The following NBPF15 variants were observed in gnomAD, a reference collection of about 807,000 sequenced individuals.
The protein encoded by NBPF15 is NBPF member 15.
NBPF15 carries 74 observed loss-of-function variants against 62.2 expected under a neutral mutation model. The observed-to-expected ratio is 1.19, with a 90% CI of 0.99 to 1.44. The LOEUF (loss-of-function observed/expected upper bound fraction) is 1.44. Ranked by LOEUF, NBPF15 falls within the 40% of genes most tolerant of loss-of-function variation. The probability of loss-of-function intolerance (pLI) is 0.00; values close to 1 mark genes in which losing one functional copy is unlikely to be tolerated. For synonymous variants in NBPF15, 244 were observed against 209.7 expected, an observed-to-expected ratio of 1.16 and a Z score of -1.41; for missense variants, 790 against 550.0, an observed-to-expected ratio of 1.44 and a Z score of -4.36.
chr1:144,453,823 C>G lies in NBPF15; in HGVS notation c.-432+2714G>C, dbSNP rs587671119. Among the ~76,000 whole-genome samples the G allele has an allele frequency of 1.3e-3, 172 of 136,452 alleles. 1 individual carries two copies. The highest frequency in any genetic ancestry group is 2.4e-3 in the Non-Finnish European group (152 of 64,530). The allele number at this position is 136,452 out of a possible 152,430, so 89.5% of individuals were successfully genotyped here. On this transcript the variant is annotated intron_variant, in intron 4 of 21. Transcript: ENST00000581897. ...CTAAAACACAAAACGGTGAACACAC[C>G]AAATGCTGTCAAAGATGAGGAACAA...
intron 13 of NBPF15, among the ~76,000 whole-genome samples, chr1:144,431,346 G>A (rs1438570184): frequency 4.0e-5 from 6 of 149,646 alleles, no homozygotes; most frequent in Admixed American, 6.6e-5. Flanking sequence ...TACCCACAAA[G>A]GGAAGCCCAT....
At chr1:144,428,468 C>T (rs1281548489) in intron 15 of NBPF15, 138 bp downstream of exon 15, 1 of 892,820 alleles carries the variant, frequency 1.1e-6, no homozygotes, top group Non-Finnish European at 1.9e-6. Context: ...TAATGAGAAC[C>T]AAAAAGCAAT....
At chr1:144,445,155 A>G (rs1227894558) in intron 6 of NBPF15, among the ~76,000 whole-genome samples, 1 of 151,042 alleles carries the variant, frequency 6.6e-6, no homozygotes, top group Non-Finnish European at 1.5e-5. Flanking sequence ...CCATTCATGT[A>G]TCTTCTTTTC....
chr1:144,423,702 G>T (rs1169438583), intron 21 of NBPF15, among the ~76,000 whole-genome samples, 168 bp downstream of exon 21: 4 of 151,934 alleles, frequency 2.6e-5, no homozygotes, highest in Non-Finnish European at 5.9e-5. Flanking sequence ...ATAAGGGGAG[G>T]AAGAAATGGA....
At position 144,454,848 on chromosome 1, in the gene NBPF15, C is replaced by A. The variant is rs1553546484; in HGVS notation, c.-432+1689G>T. Among the ~76,000 whole-genome samples the A allele has an allele frequency of 2.1e-5, 3 of 143,560 alleles. No homozygotes were observed. The South Asian group carries it at 7.0e-4, about 34-fold the overall frequency. 94.2% of individuals were successfully genotyped at this position (143,560 alleles called of 152,430 possible). On this transcript the variant is annotated intron_variant, in intron 4 of 21. Transcript: ENST00000581897. Reference sequence around the variant, plus strand: ...AGGAACCACTGAGACTCAGCAGCTGCCCCAGTGGCACCCACAAATCAGAGG... The same window carrying A: ...AGGAACCACTGAGACTCAGCAGCTGACCCAGTGGCACCCACAAATCAGAGG...
At chr1:144,455,109 A>AAGGG (rs1254334056) in intron 4 of NBPF15, among the ~76,000 whole-genome samples, 1 of 137,804 alleles carries the variant, frequency 7.3e-6, no homozygotes, top group Non-Finnish European at 1.5e-5. Context: ...GGAAGGAAGG[A>AAGGG]AGGAAGGGAG....
At position 144,432,167 on chromosome 1, in the gene NBPF15, A is replaced by G. The variant is rs1182571352; in HGVS notation, c.824+1606T>C. On this transcript the variant is annotated intron_variant, in intron 13 of 21. Coordinates refer to ENST00000581897, the MANE Select transcript of NBPF15 (RefSeq NM_001385408.1). ...TCTCCAGCATCTTCAACCTTCTTAAAGAAAAGAATTTTCAACCCAGAATTT... is the reference window on the plus strand; with the variant it reads ...TCTCCAGCATCTTCAACCTTCTTAAGGAAAAGAATTTTCAACCCAGAATTT... Among the ~76,000 whole-genome samples the G allele has an allele frequency of 4.7e-4, 72 of 152,136 alleles. 4 individuals are homozygous for G. In the South Asian group the frequency reaches 0.015, roughly 31 times the overall value.
rs1175010834 is a variant in NBPF15 at position 144,436,916 on chromosome 1, G to A, written c.472C>T (p.Leu158Phe). The A allele has an allele frequency of 6.2e-6, 10 of 1,612,166 alleles. No homozygotes were observed. The highest frequency in any genetic ancestry group is 1.1e-5 in the South Asian group (1 of 90,972). ...LAEGCRLTQH[L>F]VQKLSPENDN... is the part of the protein sequence containing the mutation. ...TTACCTGGGCTGAGCTTTTGGACAA[G>A]GTGCTGTGTCAGTCTACACCCCTCA... The change falls in exon 10 of 22, where the codon CTT becomes TTT. Residue 158 changes from leucine (L) to phenylalanine (F), a missense_variant. By Grantham distance (22) the Leu-to-Phe change is conservative. Coordinates refer to ENST00000581897, the MANE Select transcript of NBPF15 (RefSeq NM_001385408.1).
intron 6 of NBPF15, among the ~76,000 whole-genome samples, chr1:144,448,113 G>A (rs1196870101): frequency 6.6e-6 from 1 of 152,034 alleles, no homozygotes; most frequent in African/African-American, 2.4e-5. Flanking sequence ...TATCATAAAA[G>A]AAATTCTTCA....
chr1:144,428,884 C>T (rs1161983840), intron 14 of NBPF15, among the ~76,000 whole-genome samples: 4 of 151,988 alleles, frequency 2.6e-5, no homozygotes, highest in Non-Finnish European at 5.9e-5. Flanking sequence ...GTTATCTTCC[C>T]TATGTGCTCT....
Position 144,437,405 on chromosome 1 carries a change from T to C in NBPF15, c.279-296A>G, listed in dbSNP as rs1219112828. Among the ~76,000 whole-genome samples the C allele has an allele frequency of 1.4e-5, 2 of 146,578 alleles. 1 individual carries two copies. The highest frequency in any genetic ancestry group is 3.0e-5 in the Non-Finnish European group (2 of 66,564). On this transcript the variant is annotated intron_variant, in intron 9 of 21. Transcript: ENST00000581897. ...TTCAAAAAGACATCCTTTCAGTTCC[T>C]CACTCTGGCCATGGACATTTCCATG...
intron 10 of NBPF15, among the ~76,000 whole-genome samples, chr1:144,436,418 G>A (rs1553541222): frequency 2.6e-5 from 4 of 151,680 alleles, no homozygotes; most frequent in Non-Finnish European, 5.9e-5. Context: ...ATCTCATTTT[G>A]GAAAGCAGTT....
chr1:144,442,171 T>TA (rs1683644556), intron 6 of NBPF15, among the ~76,000 whole-genome samples: 1 of 114,318 alleles, frequency 8.7e-6, no homozygotes, highest in African/African-American at 3.6e-5. Flanking sequence ...TGTATATATA[T>TA]ATATATATAA....
intron 4 of NBPF15, among the ~76,000 whole-genome samples, 196 bp from the exon 5 acceptor site, chr1:144,451,066 G>A (rs587657668): frequency 2.6e-5 from 4 of 152,134 alleles, no homozygotes; most frequent in African/African-American, 9.6e-5. Flanking sequence ...AGTTCCCTTA[G>A]TATTTATTGA....
At chr1:144,432,598 A>G (rs1553540387) in intron 13 of NBPF15, among the ~76,000 whole-genome samples, 1 of 151,908 alleles carries the variant, frequency 6.6e-6, no homozygotes, top group Non-Finnish European at 1.5e-5. Context: ...GGCTCAAAAT[A>G]AAGGGATGGA....
At chr1:144,447,824 C>T (rs587686254) in intron 6 of NBPF15, among the ~76,000 whole-genome samples, 76 of 152,156 alleles carry the variant, frequency 5.0e-4, no homozygotes, top group African/African-American at 1.8e-3. Flanking sequence ...AAATAAAGTG[C>T]TACATGGCAT....
chr1:144,445,973 C>G (rs1471279743), intron 6 of NBPF15, among the ~76,000 whole-genome samples: 1 of 147,360 alleles, frequency 6.8e-6, no homozygotes, highest in East Asian at 2.0e-4. Context: ...CCTCCTGCCT[C>G]AGCCTCCCAA....
In NBPF15 at chr1:144,439,908, T is replaced by A; in HGVS notation, c.96A>T (p.Lys32Asn). ...TCTCTTTGAGGTTTCTGAACTGCTGTTTCTTCTCTGCCAACTGGGGGCGCA... is the reference window on the plus strand; with the variant it reads ...TCTCTTTGAGGTTTCTGAACTGCTGATTCTTCTCTGCCAACTGGGGGCGCA... ...EKLRPQLAEK[K>N]QQFRNLKEKC... Residue 32 changes from lysine to asparagine, a missense_variant, in exon 8 of 22, where the codon AAA (lysine) becomes AAT (asparagine). Coordinates refer to ENST00000581897, the MANE Select transcript of NBPF15 (RefSeq NM_001385408.1). 1.2e-6 allele frequency: 2 copies of A among 1,611,594 alleles called. No individual in the cohort carries two copies. Among genetic ancestry groups the A allele is most frequent in the East Asian group, 4.5e-5 (2 of 44,852 alleles).
chr1:144,423,966 T>A lies in NBPF15; in HGVS notation c.1673A>T (p.Lys558Met), dbSNP rs1267535721. ...GFSLDVGEIEKKGKGKKRRGR... is the reference protein window; with the variant it reads ...GFSLDVGEIEMKGKGKKRRGR... ...CCTTCTTTTCTTCCCCTTCCCCTTCTTTTCAATTTCTGCAATAAATTCAGA... is the reference window on the plus strand; with the variant it reads ...CCTTCTTTTCTTCCCCTTCCCCTTCATTTCAATTTCTGCAATAAATTCAGA... Residue 558 changes from lysine to methionine, a missense_variant, in exon 21 of 22, where the codon AAG (lysine) becomes ATG (methionine). By Grantham distance (95) the Lys-to-Met change is moderately conservative. Coordinates refer to ENST00000581897, the MANE Select transcript of NBPF15 (RefSeq NM_001385408.1). 3 of 768,650 alleles carry A rather than the reference T, an allele frequency of 3.9e-6. No individual in the cohort carries two copies. Among genetic ancestry groups the A allele is most frequent in the South Asian group, 1.3e-5 (1 of 74,546 alleles). 47.6% of individuals were successfully genotyped at this position (768,650 alleles called of 1,614,324 possible).
Sources: allele counts gnomAD v4.1 joint callset (sites outside exome capture counted in the v4.1 genomes callset), GRCh38; gene constraint gnomAD v4.1.1; transcripts MANE v1.5; gene names NCBI Gene and HGNC (gene_info 2026-07-23, HGNC 2026-07-21).